Variants in ST6GALNAC5 observed in about 807,000 individuals in gnomAD.
ST6GALNAC5 encodes alpha-N-acetylgalactosaminide alpha-2,6-sialyltransferase 5.
A neutral mutation model predicts 33.6 loss-of-function variants in ST6GALNAC5; 27 were observed. The observed-to-expected ratio is 0.80, with a 90% CI of 0.59 to 1.11. The LOEUF (loss-of-function observed/expected upper bound fraction) is 1.11. ST6GALNAC5 is among the 50% of genes least tolerant of loss of function. ST6GALNAC5 has a pLI of 0.00. For synonymous variants in ST6GALNAC5, 194 were observed against 171.2 expected, an observed-to-expected ratio of 1.13 and a Z score of -1.04; for missense variants, 428 against 454.0, an observed-to-expected ratio of 0.94 and a Z score of 0.52.
At chr1:76,869,850 A>T (rs375891700) in intron 2 of ST6GALNAC5, among the ~76,000 whole-genome samples, 93 of 152,372 alleles carry the variant, frequency 6.1e-4, no homozygotes, top group African/African-American at 2.1e-3. Context: ...AGAACAATAT[A>T]CCATGAAATG....
chr1:77,015,909 C>T (rs1473535112), intron 2 of ST6GALNAC5, among the ~76,000 whole-genome samples: 3 of 151,936 alleles, frequency 2.0e-5, no homozygotes, highest in South Asian at 2.1e-4. Context: ...GGGGCCTGTT[C>T]GGGGAGGCGT....
intron 2 of ST6GALNAC5, among the ~76,000 whole-genome samples, chr1:76,890,821 A>AT (rs1028243208): frequency 3.3e-5 from 5 of 152,048 alleles, no homozygotes; most frequent in African/African-American, 1.2e-4. Flanking sequence ...AGAATTTAAG[A>AT]TTTTTTTCAT....
At chr1:76,877,557 C>T (rs572306530) in intron 2 of ST6GALNAC5, among the ~76,000 whole-genome samples, 1 of 152,218 alleles carries the variant, frequency 6.6e-6, no homozygotes, top group Non-Finnish European at 1.5e-5. Context: ...AATATCTCAA[C>T]AGGCCCCTCA....
chr1:76,913,787 C>T (rs1055904648), intron 2 of ST6GALNAC5, among the ~76,000 whole-genome samples: 1 of 152,126 alleles, frequency 6.6e-6, no homozygotes, highest in Admixed American at 6.6e-5. Flanking sequence ...TGGCACAAGA[C>T]AGGGATGCCC....
intron 1 of ST6GALNAC5, 144 bp downstream of exon 1, chr1:76,867,834 G>C: frequency 8.3e-7 from 1 of 1,212,076 alleles, no homozygotes; most frequent in Non-Finnish European, 1.2e-6. Context: ...TACCCGCTCC[G>C]CGTTCCCTCC....
chr1:76,944,485 A>G (rs968880339), intron 2 of ST6GALNAC5, among the ~76,000 whole-genome samples: 2 of 151,942 alleles, frequency 1.3e-5, no homozygotes, highest in Non-Finnish European at 1.5e-5. Context: ...AATCCCCCTA[A>G]TTATTTATTC....
Position 77,063,367 on chromosome 1 carries a change from T to C in ST6GALNAC5, c.*161T>C, listed in dbSNP as rs1652661520. 1.6e-6 allele frequency: 1 copy of C among 643,702 alleles called. No homozygotes were observed. The highest frequency in any genetic ancestry group is 2.7e-6 in the Non-Finnish European group (1 of 374,728). The allele number at this position is 643,702 out of a possible 1,614,324, so 39.9% of individuals were successfully genotyped here. On this transcript the variant is annotated 3_prime_UTR_variant, in exon 5 of 5. Coordinates refer to ENST00000477717, the MANE Select transcript of ST6GALNAC5 (RefSeq NM_030965.3). The stretch of plus-strand genomic sequence containing the variant: ...TACCAGGGGTGACAAAGCAGTGCAG[T>C]TGGATTGTAAGGAAAAATTCCGGAA...
intron 2 of ST6GALNAC5, among the ~76,000 whole-genome samples, chr1:76,920,248 T>A (rs1411715642): frequency 1.3e-5 from 2 of 152,164 alleles, no homozygotes; most frequent in Non-Finnish European, 1.5e-5. Context: ...AATCTCGCCT[T>A]CTACAAAGAA....
At position 77,063,100 on chromosome 1, in the gene ST6GALNAC5, G is replaced by A. The variant is rs771372770; in HGVS notation, c.905G>A (p.Arg302Gln). Residue 302 changes from arginine (R) to glutamine (Q), a missense_variant, in exon 5 of 5, where the codon CGA becomes CAA. Arg to Gln is a conservative substitution (Grantham distance 43). Transcript: ENST00000477717. ...CATCACCGCTTTATCACAGAGAAACGAGTCTTTAAGAACTGGGCACGGACA... is the reference window on the plus strand; with the variant it reads ...CATCACCGCTTTATCACAGAGAAACAAGTCTTTAAGAACTGGGCACGGACA... The part of the protein sequence containing the change: ...GSHHRFITEK[R>Q]VFKNWARTFN... 9.3e-6 allele frequency: 15 copies of A among 1,613,686 alleles called. No homozygotes were observed. The highest frequency in any genetic ancestry group is 2.2e-5 in the East Asian group (1 of 44,868).
At chr1:76,925,454 A>G (rs1431771359) in intron 2 of ST6GALNAC5, among the ~76,000 whole-genome samples, 1 of 152,080 alleles carries the variant, frequency 6.6e-6, no homozygotes, top group Non-Finnish European at 1.5e-5. Context: ...TCCTTCCTTT[A>G]GTCATCACTG....
At chr1:77,004,055 G>T (rs1650285293) in intron 2 of ST6GALNAC5, among the ~76,000 whole-genome samples, 2 of 139,826 alleles carry the variant, frequency 1.4e-5, no homozygotes, top group Non-Finnish European at 3.1e-5. Context: ...CTAGATTGGG[G>T]AAGTTCTCCT....
intron 2 of ST6GALNAC5, among the ~76,000 whole-genome samples, chr1:76,898,225 A>G (rs145386469): frequency 0.018 from 2,761 of 152,300 alleles, 86 homozygotes; most frequent in African/African-American, 0.062. Context: ...CCAGATTTCC[A>G]GCACTTGTAG....
chr1:76,868,939 T>C lies in ST6GALNAC5; in HGVS notation c.261+197T>C. ...ATTTGGAGAAAGACACAAAGTTTTG[T>C]AGAAAATAGGGGTGAGGTGCGTGGA... On this transcript the variant is annotated intron_variant, in intron 2 of 4. Coordinates refer to ENST00000477717, the MANE Select transcript of ST6GALNAC5 (RefSeq NM_030965.3). The surrounding 1 kb of genome is among the most constrained non-coding windows in gnomAD (Gnocchi z 4.3). The C allele has an allele frequency of 1.1e-6, 1 of 939,462 alleles. No individual in the cohort carries two copies. Among genetic ancestry groups the C allele is most frequent in the Non-Finnish European group, 1.5e-6 (1 of 672,250 alleles). 58.2% of individuals were successfully genotyped at this position (939,462 alleles called of 1,614,324 possible). A position where few individuals can be genotyped will look rare whatever the true frequency, so the allele number is the denominator to read the frequency against.
At position 77,063,661 on chromosome 1, in the gene ST6GALNAC5, G is replaced by A. The variant is rs1337545322; in HGVS notation, c.*455G>A. ...ATGTGTGATTTGTAAAAAGCAGGCTGAAACTATGGACATGATTTCTGAAGA... is the reference window on the plus strand; with the variant it reads ...ATGTGTGATTTGTAAAAAGCAGGCTAAAACTATGGACATGATTTCTGAAGA... On this transcript the variant is annotated 3_prime_UTR_variant, in exon 5 of 5. Transcript: ENST00000477717. The A allele has an allele frequency of 1.3e-5, 2 of 159,114 alleles. No individual in the cohort carries two copies. Among genetic ancestry groups the A allele is most frequent in the East Asian group, 3.6e-4 (2 of 5,556 alleles). The allele number at this position is 159,114 out of a possible 1,614,324, so 9.9% of individuals were successfully genotyped here.
intron 2 of ST6GALNAC5, among the ~76,000 whole-genome samples, chr1:76,964,701 T>A (rs1008441155): frequency 2.0e-5 from 3 of 152,314 alleles, no homozygotes; most frequent in East Asian, 3.9e-4. Flanking sequence ...GTTGGTTTCC[T>A]GCACCCATTA....
chr1:76,984,989 A>G (rs958230415), intron 2 of ST6GALNAC5, among the ~76,000 whole-genome samples: 1 of 152,224 alleles, frequency 6.6e-6, no homozygotes, highest in Non-Finnish European at 1.5e-5. Context: ...AACACGCAAT[A>G]AACTAGGTAT....
At chr1:77,054,415 T>C (rs966688062) in intron 4 of ST6GALNAC5, among the ~76,000 whole-genome samples, 1 of 152,212 alleles carries the variant, frequency 6.6e-6, no homozygotes, top group Non-Finnish European at 1.5e-5. Flanking sequence ...TTGGCTCTGT[T>C]TGCATCTGGA....
intron 2 of ST6GALNAC5, among the ~76,000 whole-genome samples, chr1:76,899,776 A>T (rs971746038): frequency 1.3e-5 from 2 of 152,114 alleles, no homozygotes; most frequent in Non-Finnish European, 2.9e-5. Context: ...AAGAAGAAAG[A>T]CGTTGAGGGA....
At position 76,867,574 on chromosome 1, in the gene ST6GALNAC5, A is replaced by G. The variant is rs1383755320; in HGVS notation, c.-102A>G. On this transcript the variant is annotated 5_prime_UTR_variant, in exon 1 of 5. Transcript: ENST00000477717. The stretch of plus-strand genomic sequence containing the variant: ...TGCCGCGGCCGGCTGCTGGGCAAAA[A>G]TCAGAGCCGCCTCCGCCCCATTACC... 1 of 1,599,116 alleles carries G rather than the reference A, an allele frequency of 6.3e-7. No individual in the cohort carries two copies. The highest frequency in any genetic ancestry group is 1.3e-5 in the African/African-American group (1 of 74,598).
Sources: gnomAD v4.1 joint callset for allele counts (sites outside exome capture counted in the v4.1 genomes callset) on GRCh38, gnomAD v4.1.1 for gene constraint, Gnocchi (gnomAD v3.1) non-coding constraint, MANE v1.5 for transcripts, NCBI Gene and HGNC (gene_info 2026-07-23, HGNC 2026-07-21) for gene names.